Variants in HPD observed in about 807,000 individuals in gnomAD.
The protein encoded by HPD is 4-hydroxyphenylpyruvate dioxygenase.
A neutral mutation model predicts 56.9 loss-of-function variants in HPD; 35 were observed. That is an observed-to-expected ratio of 0.62 (90% CI 0.47 to 0.82). HPD has a LOEUF of 0.82. HPD is among the 40% of genes least tolerant of loss of function. The probability of loss-of-function intolerance (pLI) is 0.00; values close to 1 mark genes in which losing one functional copy is unlikely to be tolerated. For missense variants in HPD, 442 were observed against 506.8 expected (o/e 0.87, Z 1.23); for synonymous variants, 186 against 200.2 (o/e 0.93, Z 0.60).
the HPD span, among the ~76,000 whole-genome samples, chr12:121,875,318 C>T: frequency 6.6e-6 from 1 of 152,174 alleles, no homozygotes; most frequent in African/African-American, 2.4e-5. Context: ...CCTGCCTAGG[C>T]AATCAACAAA....
chr12:121,860,411 G>C (rs1878143796), upstream of HPD, among the ~76,000 whole-genome samples: 1 of 152,178 alleles, frequency 6.6e-6, no homozygotes, highest in East Asian at 1.9e-4. Flanking sequence ...CAACAGCAGT[G>C]GGTTGCAAAG....
the HPD span, among the ~76,000 whole-genome samples, chr12:121,879,001 T>C: frequency 2.5e-4 from 38 of 152,120 alleles, no homozygotes; most frequent in African/African-American, 9.2e-4. Flanking sequence ...ACATAACTTA[T>C]AGGCCGGGTG....
chr12:121,857,407 AT>A lies in HPD; in HGVS notation c.118del (p.Met40TrpfsTer6). ...KQATSFYCSK[M>X]GFEPLAYRGL... ...CCTGTAGGCTAGAGGTTCAAAGCCC[AT>A]CTTGCTGCAGTAGAATGACGTGGCC... On this transcript the variant is annotated frameshift_variant, in exon 4 of 14. Coordinates refer to ENST00000289004, the MANE Select transcript of HPD (RefSeq NM_002150.3). LOFTEE classifies it high-confidence loss of function. The A allele has an allele frequency of 6.2e-7, 1 of 1,613,850 alleles. No homozygotes were observed. Among genetic ancestry groups the A allele is most frequent in the East Asian group, 2.2e-5 (1 of 44,874 alleles).
chr12:121,865,593 G>A (rs7342332), upstream of HPD, among the ~76,000 whole-genome samples: 92,765 of 146,798 alleles, frequency 0.63, 29,124 homozygotes, highest in African/African-American at 0.73. Context: ...CAAAAAAAAG[G>A]AAAAAAAAAA....
Position 121,858,828 on chromosome 12 carries a change from G to T in HPD, c.-5C>A. The T allele has an allele frequency of 1.2e-6, 2 of 1,614,144 alleles. No homozygotes were observed. The highest frequency in any genetic ancestry group is 8.5e-7 in the Non-Finnish European group (1 of 1,180,016). On this transcript the variant is annotated 5_prime_UTR_variant, in exon 1 of 14. Coordinates refer to ENST00000289004, the MANE Select transcript of HPD (RefSeq NM_002150.3). The stretch of plus-strand genomic sequence containing the variant: ...GATGGCCATGGCACTTACCATGATT[G>T]ATCTTAGTCAAACCTCCTACTGGGA...
At chr12:121,875,418 T>C in the HPD span, among the ~76,000 whole-genome samples, 1 of 148,426 alleles carries the variant, frequency 6.7e-6, no homozygotes, top group Non-Finnish European at 1.5e-5. Context: ...TCCCCCTTTT[T>C]CTTTCTTTCT....
chr12:121,874,764 T>A, the HPD span, among the ~76,000 whole-genome samples: 2 of 121,158 alleles, frequency 1.7e-5, no homozygotes, highest in South Asian at 2.7e-4. Context: ...TTTGTCACTT[T>A]CTTTTTTTTT....
upstream of HPD, chr12:121,858,890 C>T (rs1035596698): frequency 6.3e-7 from 1 of 1,598,938 alleles, no homozygotes; most frequent in Non-Finnish European, 8.6e-7. Flanking sequence ...GAGTATTTAA[C>T]CCCAAGCAGG....
rs773164712 is a variant in HPD at position 121,849,771 on chromosome 12, G to T, written c.434C>A (p.Thr145Asn). Residue 145 changes from threonine to asparagine, a missense_variant, in exon 8 of 14, where the codon ACC (threonine) becomes AAC (asparagine). Coordinates refer to ENST00000289004, the MANE Select transcript of HPD (RefSeq NM_002150.3). ...VLQTYGDTTH[T>N]LVEKMNYIGQ... ...GATGTAGTTCATCTTCTCCACCAGG[G>T]TGTGTGTGGTGTCCCCATACTACGG... 2 of 1,613,066 alleles carry T rather than the reference G, an allele frequency of 1.2e-6. No homozygotes were observed. Among genetic ancestry groups the T allele is most frequent in the Non-Finnish European group, 1.7e-6 (2 of 1,179,282 alleles).
chr12:121,850,722 C>T (rs796690524), intron 7 of HPD, among the ~76,000 whole-genome samples: 2 of 116,942 alleles, frequency 1.7e-5, no homozygotes, highest in African/African-American at 3.3e-5. Context: ...TTGTTTGAGA[C>T]GGAGTCTTGC....
At chr12:121,847,435 C>T (rs1289510868) in intron 9 of HPD, among the ~76,000 whole-genome samples, 3 of 152,198 alleles carry the variant, frequency 2.0e-5, no homozygotes, top group Non-Finnish European at 4.4e-5. Flanking sequence ...TCTTGGCTCA[C>T]TGCAGCCTCA....
chr12:121,844,518 C>T (rs1173720917), intron 11 of HPD, among the ~76,000 whole-genome samples: 1 of 148,898 alleles, frequency 6.7e-6, no homozygotes, highest in Middle Eastern at 3.5e-3. Flanking sequence ...GAGGCTGAGG[C>T]GGGCAGATCA....
the HPD span, among the ~76,000 whole-genome samples, chr12:121,882,462 C>G: frequency 6.6e-6 from 1 of 152,266 alleles, no homozygotes; most frequent in African/African-American, 2.4e-5. Flanking sequence ...TTTTGCTGGG[C>G]TGTCTGTGGC....
At chr12:121,863,824 G>A (rs532475285), upstream of HPD, among the ~76,000 whole-genome samples, 2 of 151,876 alleles carry the variant, frequency 1.3e-5, no homozygotes, top group African/African-American at 4.8e-5. Context: ...AGTTATATAA[G>A]CCCATTTTGG....
the HPD span, among the ~76,000 whole-genome samples, chr12:121,878,676 C>CTT: frequency 4.4e-4 from 59 of 135,496 alleles, 1 homozygote; most frequent in African/African-American, 1.1e-3. Flanking sequence ...GTTTTTCGTT[C>CTT]TTTTTTTTTT....
At chr12:121,850,556 C>G (rs1216757111) in intron 7 of HPD, among the ~76,000 whole-genome samples, 1 of 148,662 alleles carries the variant, frequency 6.7e-6, no homozygotes, top group East Asian at 2.1e-4. Context: ...TTACTGCAAC[C>G]TCCATCTCCC....
chr12:121,879,737 T>C, the HPD span, among the ~76,000 whole-genome samples: 7 of 152,184 alleles, frequency 4.6e-5, no homozygotes, highest in African/African-American at 1.7e-4. Flanking sequence ...CAGATAATGA[T>C]ACATATGATT....
the HPD span, among the ~76,000 whole-genome samples, chr12:121,877,119 T>C: frequency 3.1e-4 from 46 of 149,172 alleles, no homozygotes; most frequent in Non-Finnish European, 5.3e-4. Context: ...AAAAGAACTG[T>C]TATGAGTCTC....
chr12:121,854,577 A>G, intron 7 of HPD, 126 bp downstream of exon 7: 1 of 789,010 alleles, frequency 1.3e-6, no homozygotes, highest in Non-Finnish European at 2.3e-6. Flanking sequence ...CGGGGGACAG[A>G]CTTGAGGGAC....
Sources: gnomAD v4.1 joint callset for allele counts (sites outside exome capture counted in the v4.1 genomes callset) on GRCh38, gnomAD v4.1.1 for gene constraint, MANE v1.5 for transcripts, NCBI Gene and HGNC (gene_info 2026-07-23, HGNC 2026-07-21) for gene names.